The following ZNF714 variants were observed in gnomAD, a reference collection of about 807,000 sequenced individuals.
The protein encoded by ZNF714 is zinc finger protein 714.
ZNF714 carries 32 observed loss-of-function variants against 46.2 expected under a neutral mutation model. That is an observed-to-expected ratio of 0.69 (90% CI 0.52 to 0.93). ZNF714 has a LOEUF of 0.93. Ranked by LOEUF, ZNF714 falls within the 40% of genes least tolerant of loss-of-function variation. The pLI, the probability that ZNF714 is intolerant of heterozygous loss-of-function variation, is 0.00. For missense variants in ZNF714, 635 were observed against 646.3 expected (o/e 0.98, Z 0.19); for synonymous variants, 199 against 213.1 (o/e 0.93, Z 0.58).
At chr19:21,098,380 T>A (rs1969093044) in intron 3 of ZNF714, 69 bp downstream of exon 3, 15 of 1,559,124 alleles carry the variant, frequency 9.6e-6, no homozygotes, top group Non-Finnish European at 1.1e-5. Flanking sequence ...TTTGTAGAAT[T>A]TTCTTTGGTA....
At position 21,124,904 on chromosome 19, in the gene ZNF714, T is replaced by TTA. The variant is rs2144891693; in HGVS notation, c.*6573_*6574dup. On this transcript the variant is annotated 3_prime_UTR_variant, in exon 5 of 5. Transcript: ENST00000456283. ...CCCAACTAATATAATGTCCTCCAGC[T>TTA]TAATCTATGTAATTTAAAATAATAT... The TTA allele has an allele frequency of 6.6e-6, 1 of 151,234 alleles. No individual in the cohort carries two copies. Among genetic ancestry groups the TTA allele is most frequent in the African/African-American group, 2.4e-5 (1 of 41,352 alleles). 9.4% of individuals were successfully genotyped at this position (151,234 alleles called of 1,614,324 possible).
intron 2 of ZNF714, among the ~76,000 whole-genome samples, chr19:21,089,022 T>A (rs1968848796): frequency 6.6e-6 from 1 of 152,212 alleles, no homozygotes; most frequent in South Asian, 2.1e-4. Flanking sequence ...TTTTTCCCCA[T>A]AATTGCCCTT....
At chr19:21,096,821 A>T (rs1347147440) in intron 2 of ZNF714, among the ~76,000 whole-genome samples, 10 of 152,090 alleles carry the variant, frequency 6.6e-5, no homozygotes, top group South Asian at 2.1e-4. Context: ...GCAGAACAGG[A>T]TTAAGAATAT....
rs1486091382 is a variant in ZNF714 at position 21,122,662 on chromosome 19, C to T, written c.*4330C>T. On this transcript the variant is annotated 3_prime_UTR_variant, in exon 5 of 5. Coordinates refer to ENST00000456283, the MANE Select transcript of ZNF714 (RefSeq NM_182515.4). ...TCTACTTCTCTTCAGATTTGTTTCT[C>T]GTATGTATTTTCCAACTATGTATGC... 6.6e-6 allele frequency: 1 copy of T among 151,964 alleles called. No homozygotes were observed. Among genetic ancestry groups the T allele is most frequent in the South Asian group, 2.1e-4 (1 of 4,818 alleles). The allele number at this position is 151,964 out of a possible 1,614,324, so 9.4% of individuals were successfully genotyped here.
At chr19:21,111,931 T>C (rs1969457624) in intron 4 of ZNF714, among the ~76,000 whole-genome samples, 1 of 152,228 alleles carries the variant, frequency 6.6e-6, no homozygotes, top group South Asian at 2.1e-4. Context: ...GGAATAAAGC[T>C]GACTTGATTG....
intron 2 of ZNF714, among the ~76,000 whole-genome samples, chr19:21,084,294 T>C (rs1459706117): frequency 2.6e-5 from 4 of 151,224 alleles, no homozygotes; most frequent in Middle Eastern, 3.4e-3. Context: ...GCAGTCAGGA[T>C]TTTTTCCAGC....
intron 4 of ZNF714, among the ~76,000 whole-genome samples, chr19:21,109,437 T>C (rs1969396268): frequency 6.6e-6 from 1 of 152,120 alleles, no homozygotes; most frequent in South Asian, 2.1e-4. Context: ...TCTAGGTTGG[T>C]CTCAAACTCC....
chr19:21,098,202 G>A lies in ZNF714; in HGVS notation c.-67G>A. 6.2e-7 allele frequency: 1 copy of A among 1,611,414 alleles called. No homozygotes were observed. Among genetic ancestry groups the A allele is most frequent in the Middle Eastern group, 1.7e-4 (1 of 6,046 alleles). On this transcript the variant is annotated 5_prime_UTR_variant, in exon 3 of 5. Transcript: ENST00000456283. ...TTTTTCAGGAGACGTTGACATTTAG[G>A]GATGTGGCCATAGAATTCTCTCTGG...
intron 4 of ZNF714, among the ~76,000 whole-genome samples, chr19:21,101,192 A>G (rs961535801): frequency 6.6e-6 from 1 of 152,194 alleles, no homozygotes; most frequent in African/African-American, 2.4e-5. Context: ...AATGGGCACA[A>G]TATAGTTTTA....
rs111530908 is a variant in ZNF714, at chr19:21,115,811, A to G, written c.143-996A>G. Among the ~76,000 whole-genome samples the G allele has an allele frequency of 1.0e-3, 156 of 148,984 alleles. 1 individual carries two copies. The highest frequency in any genetic ancestry group is 3.3e-3 in the African/African-American group (134 of 40,726). On this transcript the variant is annotated intron_variant, in intron 4 of 4. Coordinates refer to ENST00000456283, the MANE Select transcript of ZNF714 (RefSeq NM_182515.4). ...TTTTCTTTCAGAATTTTTGAGTTAT[A>G]TTTTCTTTTGATATTTTTTACCTTT...
At position 21,118,309 on chromosome 19, in the gene ZNF714, G is replaced by T. The variant is rs1011681826; in HGVS notation, c.1645G>T (p.Gly549Trp). The T allele has an allele frequency of 1.0e-6, 1 of 1,002,588 alleles. No individual in the cohort carries two copies. The highest frequency in any genetic ancestry group is 1.4e-6 in the Non-Finnish European group (1 of 690,724). 62.1% of individuals were successfully genotyped at this position (1,002,588 alleles called of 1,614,324 possible). A position where few individuals can be genotyped will look rare whatever the true frequency, so the allele number is the denominator to read the frequency against. Residue 549 changes from glycine to tryptophan, a missense_variant, in exon 5 of 5, where the codon GGG becomes TGG. Transcript: ENST00000456283. ...PSLLKIQKFA[G>W]CGGRRL ...TCTACTAAAAATACAAAAATTTGCT[G>T]GGTGTGGTGGCAGGCGCCTGTAATC...
In ZNF714 at chr19:21,082,217, C is replaced by T. The variant is rs1308384084; in HGVS notation, c.-308C>T. ...GCGGGGCCTTTGTCTCTCGCTGCAG[C>T]TGGAGCTGCAGGTCTCGCCTTCACT... is the stretch of plus-strand genomic sequence containing the variant. On this transcript the variant is annotated 5_prime_UTR_variant, in exon 1 of 5. Transcript: ENST00000456283. 1.0e-6 allele frequency: 1 copy of T among 976,136 alleles called. No individual in the cohort carries two copies. The allele number at this position is 976,136 out of a possible 1,614,324, so 60.5% of individuals were successfully genotyped here.
At chr19:21,113,666 C>G (rs191810136) in intron 4 of ZNF714, among the ~76,000 whole-genome samples, 47 of 152,014 alleles carry the variant, frequency 3.1e-4, no homozygotes, top group Middle Eastern at 3.4e-3. Context: ...ACTGCCACGC[C>G]TGGCTAATTT....
chr19:21,122,008 C>T lies in ZNF714; in HGVS notation c.*3676C>T, dbSNP rs1969710967. 1 of 152,068 alleles carries T rather than the reference C, an allele frequency of 6.6e-6. No homozygotes were observed. Among genetic ancestry groups the T allele is most frequent in the South Asian group, 2.1e-4 (1 of 4,820 alleles). The allele number at this position is 152,068 out of a possible 1,614,324, so 9.4% of individuals were successfully genotyped here. On this transcript the variant is annotated 3_prime_UTR_variant, in exon 5 of 5. Transcript: ENST00000456283. ...TAAGTTACATTTTATTTAGTGAGAG[C>T]ACTCCATTTTGTTCTTTTAAGGGGA...
intron 4 of ZNF714, among the ~76,000 whole-genome samples, chr19:21,102,452 A>G (rs1302144450): frequency 1.3e-5 from 2 of 152,230 alleles, no homozygotes; most frequent in Non-Finnish European, 2.9e-5. Flanking sequence ...TTTGTTTTAC[A>G]TATCAGAGGC....
chr19:21,084,883 G>C (rs1230481309), intron 2 of ZNF714, among the ~76,000 whole-genome samples: 3 of 152,020 alleles, frequency 2.0e-5, no homozygotes, highest in Non-Finnish European at 4.4e-5. Context: ...GCCTCCCAAA[G>C]TGCTGGGATA....
rs185433863 is a variant in ZNF714, at chr19:21,121,886, A to G, written c.*3554A>G. 6.6e-6 allele frequency: 1 copy of G among 152,272 alleles called. No individual in the cohort carries two copies. Among genetic ancestry groups the G allele is most frequent in the African/African-American group, 2.4e-5 (1 of 41,564 alleles). The allele number at this position is 152,272 out of a possible 1,614,324, so 9.4% of individuals were successfully genotyped here. On this transcript the variant is annotated 3_prime_UTR_variant, in exon 5 of 5. Coordinates refer to ENST00000456283, the MANE Select transcript of ZNF714 (RefSeq NM_182515.4). Reference sequence around the variant, plus strand: ...ATTTTTTTTGTTTTATGGTTTAGGAAGTATTCATTATATGAGCTGGTCTGT... The same window carrying G: ...ATTTTTTTTGTTTTATGGTTTAGGAGGTATTCATTATATGAGCTGGTCTGT...
chr19:21,107,342 C>G (rs1302463063), intron 4 of ZNF714, among the ~76,000 whole-genome samples: 1 of 152,036 alleles, frequency 6.6e-6, no homozygotes, highest in Non-Finnish European at 1.5e-5. Flanking sequence ...CGGGTTCAAG[C>G]AATTCTCCTG....
chr19:21,093,522 C>T lies in ZNF714; in HGVS notation c.-84-4663C>T, dbSNP rs770043167. 7.2e-5 allele frequency among the ~76,000 whole-genome samples: 11 copies of T among 151,728 alleles called. 1 individual carries two copies. The highest frequency in any genetic ancestry group is 1.9e-4 in the East Asian group (1 of 5,170). Reference sequence around the variant, plus strand: ...GCTGGGATTACAGGCTGAGCCACCACGCCCAGCTTGTTTTTTTTTGTTTTT... The same window carrying T: ...GCTGGGATTACAGGCTGAGCCACCATGCCCAGCTTGTTTTTTTTTGTTTTT... On this transcript the variant is annotated intron_variant, in intron 2 of 4. Transcript: ENST00000456283.
Sources: gnomAD v4.1 joint callset for allele counts (sites outside exome capture counted in the v4.1 genomes callset) on GRCh38, gnomAD v4.1.1 for gene constraint, MANE v1.5 for transcripts, NCBI Gene and HGNC (gene_info 2026-07-23, HGNC 2026-07-21) for gene names.